BCAS1: variants seen among roughly 807,000 people sequenced by gnomAD.
The protein encoded by BCAS1 is brain enriched myelin associated protein 1, also known as breast carcinoma-amplified sequence 1.
Under a neutral mutation model 65.4 loss-of-function variants are expected in BCAS1, and 46 were observed. The observed-to-expected ratio is 0.70, with a 90% CI of 0.55 to 0.90. The LOEUF is 0.90. Ranked by LOEUF, BCAS1 falls within the 40% of genes least tolerant of loss-of-function variation. The pLI, the probability that BCAS1 is intolerant of heterozygous loss-of-function variation, is 0.00. For missense variants in BCAS1, 793 were observed against 771.2 expected (o/e 1.03, Z -0.33); for synonymous variants, 298 against 293.5 (o/e 1.02, Z -0.16).
intron 4 of BCAS1, among the ~76,000 whole-genome samples, chr20:54,021,075 T>A (rs925037772): frequency 6.6e-6 from 1 of 152,186 alleles, no homozygotes; most frequent in Non-Finnish European, 1.5e-5. Context: ...ATAAATCTGG[T>A]TTCTATCTGT....
At chr20:54,026,914 C>T (rs1277637895) in intron 4 of BCAS1, among the ~76,000 whole-genome samples, 1 of 152,228 alleles carries the variant, frequency 6.6e-6, no homozygotes, top group Non-Finnish European at 1.5e-5. Flanking sequence ...TTTATTTATT[C>T]ACTTCTCTCA....
At chr20:53,981,971 C>T (rs1279486381) in intron 8 of BCAS1, among the ~76,000 whole-genome samples, 1 of 152,142 alleles carries the variant, frequency 6.6e-6, no homozygotes, top group Non-Finnish European at 1.5e-5. Context: ...ACTGATTGTT[C>T]ATACTTGAAG....
chr20:54,021,592 G>C (rs1216449280), intron 4 of BCAS1, among the ~76,000 whole-genome samples: 1 of 151,652 alleles, frequency 6.6e-6, no homozygotes, highest in East Asian at 1.9e-4. Context: ...GATATGGATG[G>C]AGCTGGAAGC....
At chr20:53,987,497 C>T (rs1167655043) in intron 7 of BCAS1, among the ~76,000 whole-genome samples, 1 of 152,184 alleles carries the variant, frequency 6.6e-6, no homozygotes, top group Non-Finnish European at 1.5e-5. Context: ...TCCTAACACA[C>T]ACATGCTAAG....
chr20:54,012,320 T>C (rs2091338736), intron 4 of BCAS1, among the ~76,000 whole-genome samples: 1 of 152,176 alleles, frequency 6.6e-6, no homozygotes, highest in Non-Finnish European at 1.5e-5. Context: ...AAATGTTCTC[T>C]ATTTGATTGT....
At chr20:53,988,524 T>C (rs1156756549) in intron 7 of BCAS1, among the ~76,000 whole-genome samples, 3 of 152,264 alleles carry the variant, frequency 2.0e-5, no homozygotes, top group Non-Finnish European at 2.9e-5. Flanking sequence ...TTAAAATTGA[T>C]GAATCATAGT....
At chr20:53,948,987 T>C (rs6013844) in intron 12 of BCAS1, among the ~76,000 whole-genome samples, 80,771 of 151,962 alleles carry the variant, frequency 0.53, 22,045 homozygotes, top group East Asian at 0.86. Flanking sequence ...ATGTCTTCCC[T>C]TTTCAAGCCT....
At chr20:53,977,857 T>G (rs1415001229) in intron 8 of BCAS1, among the ~76,000 whole-genome samples, 1 of 152,200 alleles carries the variant, frequency 6.6e-6, no homozygotes, top group African/African-American at 2.4e-5. Context: ...TCAATGATTT[T>G]CATACCATGT....
chr20:54,025,558 A>T (rs1474757225), intron 4 of BCAS1, among the ~76,000 whole-genome samples: 1 of 152,234 alleles, frequency 6.6e-6, no homozygotes, highest in Admixed American at 6.5e-5. Flanking sequence ...TGTTTCCCCC[A>T]GGATGAAATG....
At chr20:53,945,164 G>C (rs2089270931) in intron 12 of BCAS1, among the ~76,000 whole-genome samples, 168 bp from the exon 13 acceptor site, 1 of 152,186 alleles carries the variant, frequency 6.6e-6, no homozygotes, top group South Asian at 2.1e-4. Context: ...GCCCGGGTTC[G>C]ATACCCAGTT....
At position 53,985,223 on chromosome 20, in the gene BCAS1, T is replaced by G. The variant is rs1459115999; in HGVS notation, c.1275+64A>C. On this transcript the variant is annotated intron_variant, in intron 8 of 12. Transcript: ENST00000688948. ...TTGTTGAGTACAACAGTTAGCCCAA[T>G]AGAAATAAGTTCTGGAGTCATCCCC... The G allele has an allele frequency of 4.1e-6, 6 of 1,478,778 alleles. No individual in the cohort carries two copies. In the African/African-American group the frequency reaches 4.2e-5, roughly 10 times the overall value. The allele number at this position is 1,478,778 out of a possible 1,614,324, so 91.6% of individuals were successfully genotyped here. A position where few individuals can be genotyped will look rare whatever the true frequency, so the allele number is the denominator to read the frequency against.
chr20:54,034,885 T>C lies in BCAS1; in HGVS notation c.143-5913A>G, dbSNP rs770233893. 7.3e-5 allele frequency among the ~76,000 whole-genome samples: 11 copies of C among 151,262 alleles called. 2 individuals are homozygous for C. The highest frequency in any genetic ancestry group is 1.5e-4 in the Non-Finnish European group (10 of 67,620). The stretch of plus-strand genomic sequence containing the variant: ...CATCATGCTACCTGACTTCAAACTA[T>C]ACTACAAGGCTACAGTAACCAAAAC... On this transcript the variant is annotated intron_variant, in intron 3 of 12. Transcript: ENST00000688948.
At position 54,028,499 on chromosome 20, in the gene BCAS1, T is replaced by C. The variant is rs1490680381; in HGVS notation, c.616A>G (p.Lys206Glu). 6.2e-7 allele frequency: 1 copy of C among 1,614,054 alleles called. No homozygotes were observed. The highest frequency in any genetic ancestry group is 1.3e-5 in the African/African-American group (1 of 74,924). ...TCCTGTTGGCTGTCACCTGGCACCTTTTCCTGTCCCTTGTCCAGCTTGAAG... is the reference window on the plus strand; with the variant it reads ...TCCTGTTGGCTGTCACCTGGCACCTCTTCCTGTCCCTTGTCCAGCTTGAAG... ...KFFKLDKGQE[K>E]VPGDSQQEAK... The change falls in exon 4 of 13, where the codon AAG becomes GAG. Residue 206 changes from lysine to glutamate, a missense_variant. Coordinates refer to ENST00000688948, the MANE Select transcript of BCAS1 (RefSeq NM_001366298.2).
intron 1 of BCAS1, among the ~76,000 whole-genome samples, chr20:54,064,162 G>A (rs2092408791): frequency 6.6e-6 from 1 of 152,216 alleles, no homozygotes; most frequent in African/African-American, 2.4e-5. Context: ...CTCCCACAGA[G>A]TTCTGAGATC....
chr20:53,952,936 AT>A (rs35147407), intron 12 of BCAS1, among the ~76,000 whole-genome samples: 1 of 152,196 alleles, frequency 6.6e-6, no homozygotes, highest in Admixed American at 6.5e-5. Context: ...GATTTGTCTA[AT>A]TTTTTTAACA....
chr20:54,027,803 CA>C (rs11483550), intron 4 of BCAS1, among the ~76,000 whole-genome samples: 5,705 of 147,302 alleles, frequency 0.039, 337 homozygotes, highest in African/African-American at 0.13. Flanking sequence ...CCCCAAAAAA[CA>C]AAAAAAAAAC....
intron 4 of BCAS1, among the ~76,000 whole-genome samples, chr20:54,027,066 C>T (rs779293607): frequency 5.3e-5 from 8 of 152,094 alleles, no homozygotes; most frequent in Non-Finnish European, 1.0e-4. Context: ...TTAAATTATA[C>T]GGAAAGTTAT....
chr20:54,060,591 G>A (rs1270187963), intron 1 of BCAS1, among the ~76,000 whole-genome samples: 1 of 150,962 alleles, frequency 6.6e-6, no homozygotes, highest in African/African-American at 2.4e-5. Context: ...CAAAGTGTTG[G>A]GATTACAGGC....
chr20:53,967,530 T>C (rs1568823043), intron 9 of BCAS1, among the ~76,000 whole-genome samples: 1 of 152,246 alleles, frequency 6.6e-6, no homozygotes, highest in Non-Finnish European at 1.5e-5. Flanking sequence ...ATAAAGAAAC[T>C]GTCCTCTTTG....
Sources: allele counts gnomAD v4.1 joint callset (sites outside exome capture counted in the v4.1 genomes callset), GRCh38; gene constraint gnomAD v4.1.1; transcripts MANE v1.5; gene names NCBI Gene and HGNC (gene_info 2026-07-23, HGNC 2026-07-21).